Variants in CSMD1 observed in about 807,000 individuals in gnomAD.
CSMD1 encodes CUB and sushi domain-containing protein 1.
Under a neutral mutation model 417.5 loss-of-function variants are expected in CSMD1, and 213 were observed. The ratio of observed to expected loss-of-function variants is 0.51; its 90% confidence interval spans 0.46 to 0.57. The LOEUF (loss-of-function observed/expected upper bound fraction) is 0.57, where lower values mean the gene tolerates loss of function less well. Among genes scored for constraint, CSMD1 ranks in the 20% least tolerant of loss-of-function variants. CSMD1 has a pLI of 0.00. For synonymous variants in CSMD1, 2,862 were observed against 1,736.8 expected (o/e 1.65, Z -16.11); for missense variants, 6,923 against 4,529.7 (o/e 1.53, Z -15.17).
At chr8:4,450,530 G>A (rs1224304073) in intron 2 of CSMD1, among the ~76,000 whole-genome samples, 1 of 152,086 alleles carries the variant, frequency 6.6e-6, no homozygotes, top group African/African-American at 2.4e-5. Flanking sequence ...AGCTACTTGG[G>A]AGGCTGAGGC....
chr8:3,336,843 G>C (rs1028772146), intron 23 of CSMD1, among the ~76,000 whole-genome samples: 2 of 152,126 alleles, frequency 1.3e-5, no homozygotes, highest in Non-Finnish European at 1.5e-5. Flanking sequence ...ATAGCACCTG[G>C]CATTGACCTT....
intron 5 of CSMD1, among the ~76,000 whole-genome samples, chr8:3,819,209 C>T (rs987034502): frequency 6.6e-6 from 1 of 152,106 alleles, no homozygotes; most frequent in Non-Finnish European, 1.5e-5. Context: ...CAGGCTAACA[C>T]TATGGACAAC....
intron 26 of CSMD1, among the ~76,000 whole-genome samples, chr8:3,237,727 C>T (rs146269909): frequency 0.39 from 11,287 of 29,146 alleles, 1,585 homozygotes; most frequent in South Asian, 0.53. Flanking sequence ...ACTTATACTA[C>T]AAATATAATT....
chr8:4,936,530 C>T (rs1047805440), intron 1 of CSMD1, among the ~76,000 whole-genome samples: 3 of 152,290 alleles, frequency 2.0e-5, no homozygotes, highest in South Asian at 2.1e-4. Flanking sequence ...ATTGTACCTT[C>T]GTGAATAAAT....
intron 1 of CSMD1, among the ~76,000 whole-genome samples, chr8:4,644,844 T>G (rs538124569): frequency 2.0e-5 from 3 of 152,278 alleles, no homozygotes; most frequent in Non-Finnish European, 4.4e-5. Flanking sequence ...CTTGTTTATA[T>G]GCCCATTTCT....
rs529284663 is a variant in CSMD1, at chr8:2,968,843, T to G, written c.8924-2097A>C. On this transcript the variant is annotated intron_variant, in intron 57 of 69. Transcript: ENST00000635120. ...TTTGCCATATTTTCTCTTTCCTGAG[T>G]TTATTTTCTTTTGAAATATGCTTTT... Among the ~76,000 whole-genome samples the G allele has an allele frequency of 5.1e-4, 78 of 152,318 alleles. 1 individual carries two copies. The South Asian group carries it at 0.016, about 32-fold the overall frequency.
intron 11 of CSMD1, among the ~76,000 whole-genome samples, chr8:3,481,318 T>G (rs1369541537): frequency 6.6e-6 from 1 of 152,132 alleles, no homozygotes; most frequent in Non-Finnish European, 1.5e-5. Context: ...CAATATAAAC[T>G]GGACTATTTT....
chr8:4,308,592 G>T (rs1798383954), intron 3 of CSMD1, among the ~76,000 whole-genome samples: 1 of 152,176 alleles, frequency 6.6e-6, no homozygotes, highest in Non-Finnish European at 1.5e-5. Context: ...ATGCTCCTTA[G>T]AATAATGGAG....
At chr8:4,818,092 A>T (rs947474658) in intron 1 of CSMD1, among the ~76,000 whole-genome samples, 1 of 152,190 alleles carries the variant, frequency 6.6e-6, no homozygotes, top group Admixed American at 6.5e-5. Context: ...CATTGAACTG[A>T]ACACATGTAA....
chr8:4,341,192 A>C (rs1202790964), intron 3 of CSMD1, among the ~76,000 whole-genome samples: 1 of 152,086 alleles, frequency 6.6e-6, no homozygotes, highest in Non-Finnish European at 1.5e-5. Context: ...GGGGATTCAA[A>C]TCTGCAATGA....
intron 3 of CSMD1, among the ~76,000 whole-genome samples, chr8:4,308,013 G>C (rs1452388563): frequency 1.3e-5 from 2 of 152,124 alleles, no homozygotes; most frequent in Non-Finnish European, 2.9e-5. Context: ...AACAGTGATG[G>C]TGGGCATACT....
intron 1 of CSMD1, among the ~76,000 whole-genome samples, chr8:4,654,077 G>C (rs1476542052): frequency 6.6e-6 from 1 of 152,066 alleles, no homozygotes; most frequent in Non-Finnish European, 1.5e-5. Context: ...TAATGCCTCA[G>C]CAACTTTTTT....
chr8:3,799,261 T>A (rs753765358), intron 5 of CSMD1, among the ~76,000 whole-genome samples: 1 of 143,236 alleles, frequency 7.0e-6, no homozygotes, highest in Non-Finnish European at 1.5e-5. Flanking sequence ...GCATTTTTTT[T>A]TATACTTTAA....
Position 3,182,620 on chromosome 8 carries a change from G to C in CSMD1, c.5621-1406C>G, listed in dbSNP as rs563931626. ...TGTGTGTGTGTGTGTGTGTGTGTGT[G>C]TGTGTGTGTGTGTATTGTTAGTAGA... On this transcript the variant is annotated intron_variant, in intron 36 of 69. Transcript: ENST00000635120. Among the ~76,000 whole-genome samples, 395 of 70,114 alleles carry C rather than the reference G, an allele frequency of 5.6e-3. 8 individuals carry two copies. Among genetic ancestry groups the C allele is most frequent in the African/African-American group, 0.015 (367 of 23,706 alleles). 46.0% of individuals were successfully genotyped at this position (70,114 alleles called of 152,430 possible).
Position 4,197,498 on chromosome 8 carries a change from C to G in CSMD1, c.416-165399G>C, listed in dbSNP as rs148687172. On this transcript the variant is annotated intron_variant, in intron 3 of 69. Transcript: ENST00000635120. ...GGCCTCAGTAGATGGAAAACTGACT[C>G]TCTGTCAAGTAAGACAGAGTTCCCT... Among the ~76,000 whole-genome samples the G allele has an allele frequency of 4.4e-4, 67 of 152,302 alleles. No homozygotes were observed. The East Asian group carries it at 0.012, about 27-fold the overall frequency.
chr8:3,771,000 C>G lies in CSMD1; in HGVS notation c.819-16958G>C, dbSNP rs886981738. On this transcript the variant is annotated intron_variant, in intron 5 of 69. Coordinates refer to ENST00000635120, the MANE Select transcript of CSMD1 (RefSeq NM_033225.6). ...GTTAATTTGGACAGTTTCTCTCTCTCTCTCTCTGTCAGTGTGTCTGTGTGT... is the reference window on the plus strand; with the variant it reads ...GTTAATTTGGACAGTTTCTCTCTCTGTCTCTCTGTCAGTGTGTCTGTGTGT... Among the ~76,000 whole-genome samples the G allele has an allele frequency of 2.2e-5, 3 of 138,750 alleles. No homozygotes were observed. The Admixed American group carries it at 2.3e-4, about 11-fold the overall frequency. 91.0% of individuals were successfully genotyped at this position (138,750 alleles called of 152,430 possible). A position where few individuals can be genotyped will look rare whatever the true frequency, so the allele number is the denominator to read the frequency against.
intron 3 of CSMD1, among the ~76,000 whole-genome samples, chr8:4,302,501 C>T (rs557680144): frequency 6.6e-6 from 1 of 152,268 alleles, no homozygotes; most frequent in East Asian, 1.9e-4. Context: ...TACTTGACCA[C>T]AGTAGCGTGC....
intron 29 of CSMD1, among the ~76,000 whole-genome samples, chr8:3,217,491 A>G (rs766435291): frequency 8.5e-5 from 13 of 152,284 alleles, no homozygotes; most frequent in Middle Eastern, 3.4e-3. Context: ...CATTCTCACA[A>G]TTATATGAGG....
At chr8:3,786,441 T>G (rs1045222124) in intron 5 of CSMD1, among the ~76,000 whole-genome samples, 1 of 151,998 alleles carries the variant, frequency 6.6e-6, no homozygotes, top group Admixed American at 6.6e-5. Context: ...AGAGAAAGCA[T>G]CTGTAAAGCC....
Sources: gnomAD v4.1 joint callset for allele counts (sites outside exome capture counted in the v4.1 genomes callset) on GRCh38, gnomAD v4.1.1 for gene constraint, MANE v1.5 for transcripts, NCBI Gene and HGNC (gene_info 2026-07-23, HGNC 2026-07-21) for gene names.